HEPACAM2: variants seen among roughly 807,000 people sequenced by gnomAD.
The protein encoded by HEPACAM2 is mitotic kinetics regulator.
In HEPACAM2, 49 loss-of-function variants were observed where a neutral mutation model predicts 49.6. The ratio of observed to expected loss-of-function variants is 0.99; its 90% CI spans 0.78 to 1.25. HEPACAM2 has a LOEUF of 1.25. Ranked by LOEUF, HEPACAM2 falls within the 50% of genes most tolerant of loss-of-function variation. HEPACAM2 has a pLI of 0.00. For missense variants in HEPACAM2, 525 were observed against 557.2 expected (o/e 0.94, Z 0.58); for synonymous variants, 197 against 202.9 (o/e 0.97, Z 0.25).
At chr7:93,231,267 CTTTTAGA>C (rs1415940831), upstream of HEPACAM2, among the ~76,000 whole-genome samples, 1 of 152,036 alleles carries the variant, frequency 6.6e-6, no homozygotes, top group African/African-American at 2.4e-5. Context: ...CTGTGTCATA[CTTTTAGA>C]AGTTAACATT....
intron 4 of HEPACAM2, among the ~76,000 whole-genome samples, chr7:93,202,710 T>G (rs79631917): frequency 0.041 from 6,213 of 152,166 alleles, 211 homozygotes; most frequent in African/African-American, 0.094. Flanking sequence ...GTCTCGGCTG[T>G]TTTTTCCCTC....
chr7:93,226,315 T>TAA (rs200511300), intron 1 of HEPACAM2, 53 bp downstream of exon 1: 11,663 of 1,111,254 alleles, frequency 0.01, no homozygotes, highest in East Asian at 0.026. Context: ...TGTCCACAAT[T>TAA]AAAAAAAAAA....
chr7:93,208,252 A>T (rs1166831839), intron 4 of HEPACAM2, among the ~76,000 whole-genome samples: 1 of 152,058 alleles, frequency 6.6e-6, no homozygotes, highest in Non-Finnish European at 1.5e-5. Context: ...GGTAGATATA[A>T]ACCCTCTAAA....
rs1255454952 is a variant in HEPACAM2 at position 93,217,644 on chromosome 7, G to T, written c.430+1457C>A. 2.6e-5 allele frequency among the ~76,000 whole-genome samples: 4 copies of T among 152,242 alleles called. No homozygotes were observed. The East Asian group carries it at 7.7e-4, about 29-fold the overall frequency. On this transcript the variant is annotated intron_variant, in intron 2 of 9. Coordinates refer to ENST00000394468, the MANE Select transcript of HEPACAM2 (RefSeq NM_001039372.4). ...CTCATTTATTCCACAGATAGTTGCT[G>T]AATCTACTAGTGGTCAGCAAAGGTT...
At chr7:93,222,473 C>T (rs1794469252) in intron 1 of HEPACAM2, among the ~76,000 whole-genome samples, 1 of 151,994 alleles carries the variant, frequency 6.6e-6, no homozygotes. Context: ...CTCCCATGTT[C>T]TATGTCCGCC....
chr7:93,194,664 T>C (rs1048119349), intron 8 of HEPACAM2, among the ~76,000 whole-genome samples: 1 of 152,090 alleles, frequency 6.6e-6, no homozygotes, highest in Non-Finnish European at 1.5e-5. Flanking sequence ...ATGAACCTTA[T>C]ACACTGATAG....
intron 2 of HEPACAM2, among the ~76,000 whole-genome samples, 162 bp from the exon 3 acceptor site, chr7:93,215,847 A>T (rs1293852176): frequency 6.6e-6 from 1 of 152,216 alleles, no homozygotes; most frequent in Non-Finnish European, 1.5e-5. Flanking sequence ...AGAGAATAAA[A>T]AGCCAGGGAA....
chr7:93,219,663 G>A (rs2116719025), intron 1 of HEPACAM2: 1 of 733,720 alleles, frequency 1.4e-6, no homozygotes, highest in South Asian at 2.9e-5. Context: ...GACCGTGCTG[G>A]TTGCACAAGA....
At chr7:93,230,236 G>A (rs550359085), upstream of HEPACAM2, among the ~76,000 whole-genome samples, 1 of 152,258 alleles carries the variant, frequency 6.6e-6, no homozygotes, top group South Asian at 2.1e-4. Flanking sequence ...TTGAGTATGT[G>A]AGGGAGAAAA....
chr7:93,226,862 A>T (rs918839570), upstream of HEPACAM2, among the ~76,000 whole-genome samples: 2 of 152,280 alleles, frequency 1.3e-5, no homozygotes, highest in East Asian at 1.9e-4. Context: ...ATTAAAAAAA[A>T]TTATATGAAA....
In HEPACAM2 at chr7:93,189,147, G is replaced by A; in HGVS notation, c.*120C>T. On this transcript the variant is annotated 3_prime_UTR_variant, in exon 10 of 10. Coordinates refer to ENST00000394468, the MANE Select transcript of HEPACAM2 (RefSeq NM_001039372.4). ...TCTATTCTGCATGTAAAGGAATAAT[G>A]AGTAAGAGGTGTTGGTCTTGGTTTC... 1.3e-6 allele frequency: 1 copy of A among 799,214 alleles called. No homozygotes were observed. Among genetic ancestry groups the A allele is most frequent in the Non-Finnish European group, 2.1e-6 (1 of 480,582 alleles). 49.5% of individuals were successfully genotyped at this position (799,214 alleles called of 1,614,324 possible).
Position 93,193,747 on chromosome 7 carries a change from T to C in HEPACAM2, c.1276-1384A>G, listed in dbSNP as rs78247513. Among the ~76,000 whole-genome samples, 1,264 of 152,282 alleles carry C rather than the reference T, an allele frequency of 8.3e-3. 20 individuals carry two copies. The highest frequency in any genetic ancestry group is 0.029 in the African/African-American group (1,187 of 41,566). On this transcript the variant is annotated intron_variant, in intron 8 of 9. Coordinates refer to ENST00000394468, the MANE Select transcript of HEPACAM2 (RefSeq NM_001039372.4). ...CACCGTGGCACCTAGCTTATTTTGA[T>C]TTTTAAAAACTCAGAAAGTTAATAA...
chr7:93,228,392 G>C (rs1317050033), upstream of HEPACAM2, among the ~76,000 whole-genome samples: 1 of 152,056 alleles, frequency 6.6e-6, no homozygotes, highest in Non-Finnish European at 1.5e-5. Flanking sequence ...CACATCTAGG[G>C]AAAGGGCTAC....
chr7:93,194,921 C>CTTTT (rs80158728), intron 8 of HEPACAM2, among the ~76,000 whole-genome samples: 16 of 118,174 alleles, frequency 1.4e-4, no homozygotes, highest in East Asian at 8.6e-4. Flanking sequence ...TTTAAAAGAT[C>CTTTT]TTTTTTTTTT....
At chr7:93,198,962 A>G (rs531669561) in intron 4 of HEPACAM2, among the ~76,000 whole-genome samples, 1 of 152,224 alleles carries the variant, frequency 6.6e-6, no homozygotes, top group African/African-American at 2.4e-5. Flanking sequence ...ATCTTTTAAT[A>G]AGGTAGTGTA....
chr7:93,221,936 A>T (rs550529695), intron 1 of HEPACAM2, among the ~76,000 whole-genome samples: 126 of 152,256 alleles, frequency 8.3e-4, no homozygotes, highest in Admixed American at 4.3e-3. Context: ...TTAAATCTGG[A>T]ATTTTTCCTA....
At position 93,208,609 on chromosome 7, in the gene HEPACAM2, G is replaced by A; in HGVS notation, c.983C>T (p.Thr328Ile). Residue 328 changes from threonine to isoleucine, a missense_variant, in exon 4 of 10, where the codon ACT (threonine) becomes ATT (isoleucine). Coordinates refer to ENST00000394468, the MANE Select transcript of HEPACAM2 (RefSeq NM_001039372.4). Reference sequence around the variant, plus strand: ...GGAAGTGATGATAACTGTGAAATGAGTTTCATCTTGCCTGCCGGTTATGTT... The same window carrying A: ...GGAAGTGATGATAACTGTGAAATGAATTTCATCTTGCCTGCCGGTTATGTT... ...YNNITGRQDE[T>I]HFTVIITSVG... 1.9e-6 allele frequency: 3 copies of A among 1,612,862 alleles called. No individual in the cohort carries two copies. Among genetic ancestry groups the A allele is most frequent in the Non-Finnish European group, 2.5e-6 (3 of 1,179,248 alleles).
In HEPACAM2 at chr7:93,195,828, C is replaced by G. The variant is rs757475001; in HGVS notation, c.1275G>C (p.Arg425Ser). 1 of 1,612,042 alleles carries G rather than the reference C, an allele frequency of 6.2e-7. No homozygotes were observed. Among genetic ancestry groups the G allele is most frequent in the Non-Finnish European group, 8.5e-7 (1 of 1,178,694 alleles). Residue 425 changes from arginine to serine, a missense_variant and splice_region_variant, in exon 8 of 10, where the codon AGG (arginine) becomes AGC (serine). Transcript: ENST00000394468. ...VAFPDVSGVS[R>S]IPSRSVPASD... ...TTAATCAGCCACTAGGAAAACCAAC[C>G]CTGGAAACACCAGAAACATCTGGAA...
intron 4 of HEPACAM2, among the ~76,000 whole-genome samples, chr7:93,199,013 C>T (rs369085220): frequency 6.6e-6 from 1 of 151,876 alleles, no homozygotes; most frequent in African/African-American, 2.4e-5. Context: ...TCATGGAAAT[C>T]GGTTATCTCT....
Sources: gnomAD v4.1 joint callset for allele counts (sites outside exome capture counted in the v4.1 genomes callset) on GRCh38, gnomAD v4.1.1 for gene constraint, MANE v1.5 for transcripts, NCBI Gene and HGNC (gene_info 2026-07-23, HGNC 2026-07-21) for gene names.